Variants in RSBN1L observed in about 807,000 individuals in gnomAD.
The protein encoded by RSBN1L is lysine-specific demethylase RSBN1L.
In RSBN1L, 30 loss-of-function variants were observed where a neutral mutation model predicts 67.7. The observed-to-expected ratio is 0.44, with a 90% CI of 0.33 to 0.60. The LOEUF is 0.60. RSBN1L is among the 20% of genes least tolerant of loss of function. The pLI is 0.02. For synonymous variants in RSBN1L, 433 were observed against 387.0 expected (o/e 1.12, Z -1.39); for missense variants, 992 against 1,031.7 (o/e 0.96, Z 0.53).
intron 1 of RSBN1L, among the ~76,000 whole-genome samples, chr7:77,722,398 G>C (rs1000241845): frequency 4.6e-5 from 7 of 152,086 alleles, no homozygotes; most frequent in Non-Finnish European, 1.0e-4. Flanking sequence ...GAGTCAGGTA[G>C]GATAGTACAG....
intron 2 of RSBN1L, among the ~76,000 whole-genome samples, chr7:77,743,459 G>GTTTTTT (rs1562802787): frequency 1.1e-5 from 1 of 92,726 alleles, no homozygotes; most frequent in Non-Finnish European, 2.0e-5. Flanking sequence ...AAATAAGTTG[G>GTTTTTT]TTTTGTTTTT....
chr7:77,773,280 G>A lies in RSBN1L; in HGVS notation c.1759G>A (p.Val587Ile), dbSNP rs201290830. 9.3e-6 allele frequency: 15 copies of A among 1,609,004 alleles called. No individual in the cohort carries two copies. In the African/African-American group the frequency reaches 2.0e-4, roughly 22 times the overall value. The change falls in exon 6 of 8, where the codon GTT (valine) becomes ATT (isoleucine). Residue 587 changes from valine to isoleucine, a missense_variant. Val to Ile is a conservative substitution (Grantham distance 29). This residue lies in a region of RSBN1L where 31 missense variants were observed against 24.5 expected (regional missense o/e 1.26). Transcript: ENST00000334955. ...QGFERQTTAAVGVLKAVHCGE... is the reference protein window; with the variant it reads ...QGFERQTTAAIGVLKAVHCGE... ...TTTTGAACGACAGACTACAGCTGCT[G>A]TTGGAGTGCTGAAGGCTGTGCACTG...
At chr7:77,750,122 C>T in intron 3 of RSBN1L, 58 bp downstream of exon 3, 1 of 1,072,894 alleles carries the variant, frequency 9.3e-7, no homozygotes, top group Non-Finnish European at 1.3e-6. Flanking sequence ...AGATGAGTTT[C>T]TGTTTTTTGT....
At chr7:77,702,103 C>G (rs1790826713) in intron 1 of RSBN1L, among the ~76,000 whole-genome samples, 1 of 151,616 alleles carries the variant, frequency 6.6e-6, no homozygotes, top group Non-Finnish European at 1.5e-5. Flanking sequence ...GTAGCTGGGA[C>G]TACAGGCGCA....
chr7:77,703,477 G>GTTGT (rs1790845776), intron 1 of RSBN1L, among the ~76,000 whole-genome samples: 1 of 61,574 alleles, frequency 1.6e-5, no homozygotes, highest in African/African-American at 6.8e-5. Flanking sequence ...TACTGTTTGG[G>GTTGT]TTTTTTTTTT....
chr7:77,718,796 A>T (rs923795866), intron 1 of RSBN1L, among the ~76,000 whole-genome samples: 3 of 152,224 alleles, frequency 2.0e-5, no homozygotes, highest in African/African-American at 7.2e-5. Flanking sequence ...GATTTTGTGA[A>T]TCACAAATTC....
At chr7:77,709,089 A>C (rs1790932764) in intron 1 of RSBN1L, among the ~76,000 whole-genome samples, 1 of 151,998 alleles carries the variant, frequency 6.6e-6, no homozygotes, top group South Asian at 2.1e-4. Flanking sequence ...GATAGAACTC[A>C]AAATTAGTGG....
chr7:77,778,465 C>G lies in RSBN1L; in HGVS notation c.1902+19C>G, dbSNP rs760108801. On this transcript the variant is annotated intron_variant, in intron 7 of 7. Transcript: ENST00000334955. ...GTCCCAGGTATTTTTAATACACTTA[C>G]TGTCTTTGGTTTAGTTTTTATTATG... is the stretch of plus-strand genomic sequence containing the variant. 4 of 1,597,268 alleles carry G rather than the reference C, an allele frequency of 2.5e-6. No homozygotes were observed. In the African/African-American group the frequency reaches 5.4e-5, roughly 22 times the overall value.
intron 2 of RSBN1L, among the ~76,000 whole-genome samples, chr7:77,738,031 AAAAAG>A (rs988801091): frequency 2.0e-5 from 3 of 151,990 alleles, no homozygotes; most frequent in Non-Finnish European, 4.4e-5. Context: ...TCAAAAAAAA[AAAAAG>A]AAAAGAAAAA....
intron 4 of RSBN1L, among the ~76,000 whole-genome samples, chr7:77,767,967 C>T (rs1172959480): frequency 2.0e-5 from 3 of 149,242 alleles, no homozygotes; most frequent in African/African-American, 7.4e-5. Flanking sequence ...TCTCCTGCCT[C>T]AACCTCCTGA....
At chr7:77,756,717 G>A (rs1353402358) in intron 3 of RSBN1L, among the ~76,000 whole-genome samples, 4 of 152,162 alleles carry the variant, frequency 2.6e-5, no homozygotes, top group African/African-American at 7.2e-5. Context: ...GGCGGAGGGT[G>A]CAGTGAGCCG....
intron 3 of RSBN1L, among the ~76,000 whole-genome samples, chr7:77,757,629 C>T (rs927295287): frequency 6.6e-6 from 1 of 152,218 alleles, no homozygotes; most frequent in African/African-American, 2.4e-5. Flanking sequence ...TTCTTGTGGT[C>T]TCTGCTAACT....
intron 2 of RSBN1L, among the ~76,000 whole-genome samples, chr7:77,739,066 A>G (rs75463958): frequency 0.011 from 1,604 of 152,300 alleles, 23 homozygotes; most frequent in African/African-American, 0.036. Context: ...CATTGAAAGC[A>G]CTGAGTGTTA....
chr7:77,776,282 G>T (rs1791913352), intron 6 of RSBN1L, among the ~76,000 whole-genome samples: 1 of 152,032 alleles, frequency 6.6e-6, no homozygotes, highest in Non-Finnish European at 1.5e-5. Context: ...CTATGATCAC[G>T]TATCATACAG....
intron 1 of RSBN1L, among the ~76,000 whole-genome samples, chr7:77,710,331 A>T (rs1450933167): frequency 6.6e-6 from 1 of 152,156 alleles, no homozygotes; most frequent in Non-Finnish European, 1.5e-5. Flanking sequence ...TGAAGTTCAG[A>T]TTCCTTGAAA....
intron 1 of RSBN1L, among the ~76,000 whole-genome samples, chr7:77,710,737 A>C (rs1245740920): frequency 6.6e-6 from 1 of 151,942 alleles, no homozygotes; most frequent in African/African-American, 2.4e-5. Context: ...CTGGGATTAC[A>C]GGCGCCTGCC....
At chr7:77,741,018 A>T (rs1415404030) in intron 2 of RSBN1L, among the ~76,000 whole-genome samples, 1 of 126,650 alleles carries the variant, frequency 7.9e-6, no homozygotes, top group Non-Finnish European at 1.6e-5. Flanking sequence ...ACGGAGTTTC[A>T]CTGTGATACC....
In RSBN1L at chr7:77,696,609, C is replaced by T. The variant is rs780109937; in HGVS notation, c.140C>T (p.Thr47Ile). ...PGSLSAKKVR[T>I]EEKKAPRRVN... ...TCTCTGTCCGCCAAGAAGGTCCGGA[C>T]TGAGGAGAAGAAGGCACCGCGGAGA... Residue 47 changes from threonine (T) to isoleucine (I), a missense_variant, in exon 1 of 8, where the codon ACT (threonine) becomes ATT (isoleucine). Transcript: ENST00000334955. 21 of 1,613,972 alleles carry T rather than the reference C, an allele frequency of 1.3e-5. No individual in the cohort carries two copies. Among genetic ancestry groups the T allele is most frequent in the East Asian group, 8.9e-5 (4 of 44,878 alleles).
intron 3 of RSBN1L, among the ~76,000 whole-genome samples, chr7:77,759,330 GC>G (rs1169189260): frequency 6.6e-6 from 1 of 151,992 alleles, no homozygotes; most frequent in African/African-American, 2.4e-5. Flanking sequence ...TAATCAAAAA[GC>G]TTTCCCCCTT....
Sources: gnomAD v4.1 joint callset for allele counts (sites outside exome capture counted in the v4.1 genomes callset) on GRCh38, gnomAD v4.1.1 for gene constraint, gnomAD v4.1.1 regional missense constraint, MANE v1.5 for transcripts, NCBI Gene and HGNC (gene_info 2026-07-23, HGNC 2026-07-21) for gene names.